Variants in FBLN7 observed in about 807,000 individuals in gnomAD.
FBLN7 encodes fibulin 7.
A neutral mutation model predicts 44.0 loss-of-function variants in FBLN7; 31 were observed. The ratio of observed to expected loss-of-function variants is 0.70; its 90% CI spans 0.53 to 0.95. The LOEUF is 0.95. FBLN7 is among the 40% of genes least tolerant of loss of function. The pLI, the probability that FBLN7 is intolerant of heterozygous loss-of-function variation, is 0.00. For missense variants in FBLN7, 573 were observed against 618.5 expected, an observed-to-expected ratio of 0.93 and a Z score of 0.78; for synonymous variants, 262 against 253.4, an observed-to-expected ratio of 1.03 and a Z score of -0.32.
At chr2:112,178,481 AC>A (rs1682837918) in intron 4 of FBLN7, among the ~76,000 whole-genome samples, 1 of 152,144 alleles carries the variant, frequency 6.6e-6, no homozygotes, top group Non-Finnish European at 1.5e-5. Context: ...AGGAGGATGG[AC>A]CTCTCCCCAA....
the FBLN7 span, among the ~76,000 whole-genome samples, chr2:112,194,344 T>C: frequency 6.6e-6 from 1 of 152,300 alleles, no homozygotes; most frequent in African/African-American, 2.4e-5. Flanking sequence ...GAGAGCTTGG[T>C]AAAGCTGAGG....
the FBLN7 span, among the ~76,000 whole-genome samples, chr2:112,223,426 G>C: frequency 6.6e-6 from 1 of 151,984 alleles, no homozygotes; most frequent in African/African-American, 2.4e-5. Flanking sequence ...AAAAAGAAAT[G>C]AGTGTTGAAT....
chr2:112,199,447 A>G, the FBLN7 span, among the ~76,000 whole-genome samples: 1 of 152,342 alleles, frequency 6.6e-6, no homozygotes, highest in East Asian at 1.9e-4. Context: ...AATGGCACCC[A>G]TTCAGAACAT....
chr2:112,142,549 T>C (rs1680698594), intron 1 of FBLN7, among the ~76,000 whole-genome samples: 1 of 151,980 alleles, frequency 6.6e-6, no homozygotes, highest in African/African-American at 2.4e-5. Flanking sequence ...TATCTTGCCA[T>C]GGAGGAGATG....
At chr2:112,233,355 A>G in the FBLN7 span, 3 of 1,591,370 alleles carry the variant, frequency 1.9e-6, no homozygotes, top group Non-Finnish European at 2.6e-6. Flanking sequence ...ATCATGATCA[A>G]ATTTACACTG....
At chr2:112,214,470 G>A in the FBLN7 span, 1 of 151,918 alleles carries the variant, frequency 6.6e-6, no homozygotes, top group Non-Finnish European at 1.5e-5. Context: ...TTTAGACTAT[G>A]GTTTTATTAT....
the FBLN7 span, chr2:112,213,471 A>C: frequency 1.4e-4 from 22 of 151,936 alleles, no homozygotes; most frequent in African/African-American, 5.3e-4. Flanking sequence ...ATATTATCTC[A>C]CCAACAGATA....
At position 112,162,334 on chromosome 2, in the gene FBLN7, T is replaced by C. The variant is rs865861409; in HGVS notation, c.235+2499T>C. ...CTGTTTTGCCTTTTTTTTTTTTTTT[T>C]AAGGGAATTTGCTGGGAGTCAGGAA... On this transcript the variant is annotated intron_variant, in intron 2 of 7. Transcript: ENST00000331203. Among the ~76,000 whole-genome samples, 8 of 150,762 alleles carry C rather than the reference T, an allele frequency of 5.3e-5. 1 individual carries two copies. The highest frequency in any genetic ancestry group is 6.3e-3 in the Middle Eastern group (2 of 316).
At chr2:112,231,232 A>T in the FBLN7 span, among the ~76,000 whole-genome samples, 1 of 152,174 alleles carries the variant, frequency 6.6e-6, no homozygotes, top group African/African-American at 2.4e-5. Context: ...AGCACCTTTG[A>T]CTTTGTAATA....
intron 2 of FBLN7, among the ~76,000 whole-genome samples, chr2:112,163,663 C>T (rs2104572211): frequency 6.6e-6 from 1 of 152,312 alleles, no homozygotes. Flanking sequence ...CCTGAGCTTC[C>T]CTCCCCTTCC....
the FBLN7 span, chr2:112,236,504 A>G: frequency 1.3e-6 from 2 of 1,584,170 alleles, no homozygotes; most frequent in Non-Finnish European, 1.7e-6. Context: ...CTGAAGTATA[A>G]GATCAAGTCC....
chr2:112,222,148 T>G, the FBLN7 span, among the ~76,000 whole-genome samples: 1 of 152,192 alleles, frequency 6.6e-6, no homozygotes, highest in Non-Finnish European at 1.5e-5. Context: ...CCTCTCTGAT[T>G]ACTGTCTCTG....
At chr2:112,189,989 A>G (rs996501210), downstream of FBLN7, 3 of 152,104 alleles carry the variant, frequency 2.0e-5, no homozygotes, top group Non-Finnish European at 2.9e-5. Context: ...ATTGATATGC[A>G]TTTTAAGCCT....
At chr2:112,169,985 A>C (rs983564595) in intron 3 of FBLN7, among the ~76,000 whole-genome samples, 4 of 152,180 alleles carry the variant, frequency 2.6e-5, no homozygotes, top group Non-Finnish European at 5.9e-5. Flanking sequence ...TCATGCCTGT[A>C]ATCCTAGCAC....
the FBLN7 span, among the ~76,000 whole-genome samples, chr2:112,210,319 G>A: frequency 1.3e-5 from 2 of 151,962 alleles, no homozygotes; most frequent in Non-Finnish European, 2.9e-5. Flanking sequence ...TAAAGATATT[G>A]GGATCCAGAA....
intron 7 of FBLN7, among the ~76,000 whole-genome samples, chr2:112,185,813 A>G (rs559246018): frequency 5.3e-4 from 81 of 152,034 alleles, no homozygotes; most frequent in Admixed American, 1.6e-3. Flanking sequence ...TGCTTTTCCA[A>G]TAGTACTAGA....
chr2:112,160,156 A>G (rs539928535), intron 2 of FBLN7, among the ~76,000 whole-genome samples: 1 of 152,008 alleles, frequency 6.6e-6, no homozygotes, highest in Non-Finnish European at 1.5e-5. Flanking sequence ...ACGCCCGGCT[A>G]ATTTTTTGTA....
At chr2:112,159,616 C>A in intron 1 of FBLN7, 60 bp from the exon 2 acceptor site, 11 of 1,420,348 alleles carry the variant, frequency 7.7e-6, no homozygotes, top group Non-Finnish European at 1.0e-5. Context: ...GAAGCTCAGA[C>A]AAGCATGTGG....
the FBLN7 span, chr2:112,238,488 C>G: frequency 1.2e-6 from 2 of 1,612,062 alleles, no homozygotes; most frequent in East Asian, 4.5e-5. Context: ...TCTTGATTTT[C>G]TATGCAGCGA....
Sources: allele counts gnomAD v4.1 joint callset (sites outside exome capture counted in the v4.1 genomes callset), GRCh38; gene constraint gnomAD v4.1.1; transcripts MANE v1.5; gene names NCBI Gene and HGNC (gene_info 2026-07-23, HGNC 2026-07-21).